CA10: variants seen among roughly 807,000 people sequenced by gnomAD.
CA10 encodes the protein carbonic anhydrase 10 (inactive), also known as carbonic anhydrase-related protein 10.
In CA10, 14 loss-of-function variants were observed where a neutral mutation model predicts 44.2. The observed-to-expected ratio is 0.32, with a 90% confidence interval of 0.21 to 0.50. The LOEUF is 0.50. Ranked by LOEUF, CA10 falls within the 20% of genes least tolerant of loss-of-function variation. The pLI is 0.99. For missense variants in CA10, 350 were observed against 409.7 expected, an observed-to-expected ratio of 0.85 and a Z score of 1.26; for synonymous variants, 159 against 141.6, an observed-to-expected ratio of 1.12 and a Z score of -0.87.
At chr17:51,888,194 AGAAAG>A (rs1214537890) in intron 3 of CA10, among the ~76,000 whole-genome samples, 1 of 152,158 alleles carries the variant, frequency 6.6e-6, no homozygotes, top group African/African-American at 2.4e-5. Context: ...AAAAAGGAGA[AGAAAG>A]GAAAGAAGGA....
intron 3 of CA10, among the ~76,000 whole-genome samples, chr17:51,766,911 C>T (rs1008213208): frequency 2.6e-5 from 4 of 152,020 alleles, no homozygotes; most frequent in African/African-American, 7.3e-5. Flanking sequence ...CAGAGGTCCT[C>T]GATAGGCAAT....
chr17:51,692,647 G>T (rs1915253644), intron 4 of CA10, among the ~76,000 whole-genome samples: 1 of 152,106 alleles, frequency 6.6e-6, no homozygotes, highest in South Asian at 2.1e-4. Flanking sequence ...TCAATGAATA[G>T]TATTTCATTG....
intron 4 of CA10, among the ~76,000 whole-genome samples, chr17:51,718,224 TTTAAAATGAAAAAAAG>T (rs1567815951): frequency 4.3e-5 from 1 of 23,302 alleles, no homozygotes; most frequent in African/African-American, 1.2e-4. Flanking sequence ...GAAAAAAAGA[TTTAAAATGAAAAAAAG>T]ATTTAAAATG....
At position 52,121,081 on chromosome 17, in the gene CA10, A is replaced by G. The variant is rs144162627; in HGVS notation, c.61+36645T>C. Among the ~76,000 whole-genome samples the G allele has an allele frequency of 8.9e-4, 135 of 152,316 alleles. 2 individuals are homozygous for G. The East Asian group carries it at 0.019, about 21-fold the overall frequency. ...TTCACCCATCACTTCCCTGCCTCCA[A>G]GAATCTGACTGGTTTCCATGTCTTT... On this transcript the variant is annotated intron_variant, in intron 1 of 8. Coordinates refer to ENST00000451037, the MANE Select transcript of CA10 (RefSeq NM_020178.5).
chr17:51,860,754 C>T (rs1414297267), intron 3 of CA10, among the ~76,000 whole-genome samples: 1 of 152,150 alleles, frequency 6.6e-6, no homozygotes, highest in East Asian at 1.9e-4. Context: ...ATAAACACTA[C>T]ATAGCAGTTA....
At chr17:51,938,650 G>A (rs536568604) in intron 2 of CA10, among the ~76,000 whole-genome samples, 4 of 152,130 alleles carry the variant, frequency 2.6e-5, no homozygotes, top group East Asian at 1.9e-4. Context: ...CAGCAGCTTC[G>A]TCCTTCTTCC....
At chr17:52,154,745 C>T (rs538778030) in intron 1 of CA10, among the ~76,000 whole-genome samples, 2 of 152,184 alleles carry the variant, frequency 1.3e-5, no homozygotes, top group Non-Finnish European at 2.9e-5. Flanking sequence ...AGCTATGTTG[C>T]ATTAAGTAGC....
At chr17:52,062,181 C>T (rs1020033696) in intron 2 of CA10, among the ~76,000 whole-genome samples, 2 of 149,418 alleles carry the variant, frequency 1.3e-5, no homozygotes, top group East Asian at 2.0e-4. Context: ...GATTCTTATG[C>T]CCCAGCCTCC....
chr17:51,744,829 G>A (rs1904616673), intron 4 of CA10, among the ~76,000 whole-genome samples: 1 of 152,100 alleles, frequency 6.6e-6, no homozygotes, highest in South Asian at 2.1e-4. Flanking sequence ...TCCGTAAATG[G>A]GATCTCAAAA....
At chr17:51,932,028 T>A (rs373128813) in intron 2 of CA10, among the ~76,000 whole-genome samples, 5 of 152,204 alleles carry the variant, frequency 3.3e-5, no homozygotes, top group African/African-American at 1.2e-4. Flanking sequence ...CCCCTGAGAT[T>A]ATATGGCCAT....
chr17:51,855,166 A>G (rs1451634372), intron 3 of CA10, among the ~76,000 whole-genome samples: 1 of 152,094 alleles, frequency 6.6e-6, no homozygotes, highest in Non-Finnish European at 1.5e-5. Context: ...TGGTTTTCTT[A>G]TCTATAAAAT....
intron 4 of CA10, among the ~76,000 whole-genome samples, chr17:51,746,782 G>A (rs1904703999): frequency 6.6e-6 from 1 of 151,946 alleles, no homozygotes; most frequent in Non-Finnish European, 1.5e-5. Context: ...CTTAGTGCTT[G>A]GCCTTAACAC....
chr17:52,000,185 T>C (rs1472917764), intron 2 of CA10, among the ~76,000 whole-genome samples: 1 of 152,100 alleles, frequency 6.6e-6, no homozygotes, highest in Non-Finnish European at 1.5e-5. Context: ...TTGGACTTCA[T>C]GATGTGAGCA....
intron 1 of CA10, among the ~76,000 whole-genome samples, chr17:52,106,986 C>T (rs751298827): frequency 4.6e-5 from 7 of 152,052 alleles, no homozygotes; most frequent in Non-Finnish European, 7.4e-5. Flanking sequence ...TATATAAAAC[C>T]CCAAATTGTC....
intron 2 of CA10, among the ~76,000 whole-genome samples, chr17:51,989,348 G>T (rs1248527313): frequency 2.6e-5 from 4 of 151,868 alleles, no homozygotes; most frequent in Non-Finnish European, 5.9e-5. Context: ...CCCAGTGTGT[G>T]TTGTTCCCCT....
intron 3 of CA10, among the ~76,000 whole-genome samples, chr17:51,850,652 T>A (rs1978754330): frequency 6.6e-6 from 1 of 152,190 alleles, no homozygotes; most frequent in Admixed American, 6.5e-5. Flanking sequence ...GAAGGGCACA[T>A]AGGCAGCAGA....
intron 4 of CA10, among the ~76,000 whole-genome samples, chr17:51,687,904 G>A (rs1317635125): frequency 6.6e-6 from 1 of 152,174 alleles, no homozygotes. Flanking sequence ...CTTGCCACCT[G>A]ATATTCATGC....
chr17:51,673,531 C>T (rs977540218), intron 4 of CA10, among the ~76,000 whole-genome samples: 1 of 152,124 alleles, frequency 6.6e-6, no homozygotes, highest in Non-Finnish European at 1.5e-5. Context: ...CATGAGAGCT[C>T]ATTAGTCATG....
At chr17:52,130,169 A>C (rs1353423069) in intron 1 of CA10, among the ~76,000 whole-genome samples, 2 of 152,300 alleles carry the variant, frequency 1.3e-5, no homozygotes, top group East Asian at 1.9e-4. Flanking sequence ...GTTGGTGAGG[A>C]TATGGAGAAA....
Sources: allele counts gnomAD v4.1 joint callset (sites outside exome capture counted in the v4.1 genomes callset), GRCh38; gene constraint gnomAD v4.1.1; transcripts MANE v1.5; gene names NCBI Gene and HGNC (gene_info 2026-07-23, HGNC 2026-07-21).